The following PPP4R2 variants were observed in gnomAD, a reference collection of about 807,000 sequenced individuals.
The protein encoded by PPP4R2 is protein phosphatase 4 regulatory subunit 2, also known as serine/threonine-protein phosphatase 4 regulatory subunit 2.
In PPP4R2, 13 loss-of-function variants were observed where a neutral mutation model predicts 47.2. The observed-to-expected ratio is 0.28, with a 90% CI of 0.18 to 0.44. The LOEUF (loss-of-function observed/expected upper bound fraction) is 0.44, where lower values mean the gene tolerates loss of function less well. Among genes scored for constraint, PPP4R2 ranks in the 20% least tolerant of loss-of-function variants. PPP4R2 has a pLI of 1.00. For synonymous variants in PPP4R2, 151 were observed against 163.3 expected (o/e 0.92, Z 0.57); for missense variants, 421 against 491.2 (o/e 0.86, Z 1.35).
chr3:73,002,199 A>T (rs140768828), intron 2 of PPP4R2, among the ~76,000 whole-genome samples: 17 of 152,316 alleles, frequency 1.1e-4, no homozygotes, highest in African/African-American at 4.1e-4. Context: ...TTATTGCTGA[A>T]TAATATACCA....
chr3:73,018,255 G>T (rs1385015753), intron 2 of PPP4R2, among the ~76,000 whole-genome samples: 1 of 152,084 alleles, frequency 6.6e-6, no homozygotes, highest in Non-Finnish European at 1.5e-5. Context: ...TGTAGGATGT[G>T]TGAAACCTGC....
At chr3:73,002,399 G>T (rs1024034723) in intron 2 of PPP4R2, among the ~76,000 whole-genome samples, 2 of 151,942 alleles carry the variant, frequency 1.3e-5, no homozygotes, top group Non-Finnish European at 2.9e-5. Flanking sequence ...TTACAGATAG[G>T]GTACATGCCA....
In PPP4R2 at chr3:72,996,906, C is replaced by G; in HGVS notation, c.-132C>G. On this transcript the variant is annotated 5_prime_UTR_variant, in exon 1 of 9. Coordinates refer to ENST00000356692, the MANE Select transcript of PPP4R2 (RefSeq NM_174907.4). ...ACGCTTCCCCCGGCTCCCTTCGTTT[C>G]CCCCCCCCGGTCGCCTGCGTGCCGG... 2.5e-6 allele frequency: 1 copy of G among 396,096 alleles called. No individual in the cohort carries two copies. The highest frequency in any genetic ancestry group is 4.2e-6 in the Non-Finnish European group (1 of 240,172). 24.5% of individuals were successfully genotyped at this position (396,096 alleles called of 1,614,324 possible).
intron 2 of PPP4R2, among the ~76,000 whole-genome samples, chr3:73,042,587 T>C (rs540210925): frequency 1.3e-5 from 2 of 152,074 alleles, no homozygotes; most frequent in East Asian, 3.9e-4. Flanking sequence ...ATGGTCTTGG[T>C]CTCTTGACCT....
chr3:73,031,611 G>A (rs1702164971), intron 2 of PPP4R2, among the ~76,000 whole-genome samples: 1 of 152,144 alleles, frequency 6.6e-6, no homozygotes, highest in African/African-American at 2.4e-5. Context: ...TGTGATGGGT[G>A]GAAAAGCAAC....
rs1702806819 is a variant in PPP4R2 at position 73,059,799 on chromosome 3, G to A, written c.381+669G>A. ...AAAATACAAAAACTAGCCGGGCGTG[G>A]TGGTGCACGCCTGTAATCCTAGCTA... On this transcript the variant is annotated intron_variant, in intron 4 of 8. Transcript: ENST00000356692. Among the ~76,000 whole-genome samples the A allele has an allele frequency of 1.3e-5, 2 of 152,034 alleles. 1 individual carries two copies. Among genetic ancestry groups the A allele is most frequent in the South Asian group, 4.2e-4 (2 of 4,816 alleles).
chr3:73,049,949 A>T (rs567551610), intron 3 of PPP4R2, among the ~76,000 whole-genome samples: 1 of 151,136 alleles, frequency 6.6e-6, no homozygotes, highest in African/African-American at 2.4e-5. Context: ...GTTTTGTTTT[A>T]TTTTATTTAT....
In PPP4R2 at chr3:73,064,103, A is replaced by G. The variant is rs1483290378; in HGVS notation, c.595A>G (p.Ser199Gly). 1.9e-6 allele frequency: 3 copies of G among 1,612,860 alleles called. No homozygotes were observed. Among genetic ancestry groups the G allele is most frequent in the Non-Finnish European group, 2.5e-6 (3 of 1,179,652 alleles). ...AAATGGGTTGCCTGAGAGCACAGAC[A>G]GCAAAGAGGCAAATTTGCAGCAAAA... ...TTNGLPESTD[S>G]KEANLQQNEE... The change falls in exon 7 of 9, where the codon AGC (serine) becomes GGC (glycine). Residue 199 changes from serine to glycine, a missense_variant. This residue lies in a region of PPP4R2 where 317 missense variants were observed against 287.5 expected (regional missense o/e 1.10). Transcript: ENST00000356692.
chr3:73,041,255 A>G lies in PPP4R2; in HGVS notation c.117-5931A>G, dbSNP rs1702373449. On this transcript the variant is annotated intron_variant, in intron 2 of 8. Coordinates refer to ENST00000356692, the MANE Select transcript of PPP4R2 (RefSeq NM_174907.4). ...GTTCAGTTAGTCGACAAGATGTAAT[A>G]TGATGTGGAATGATAATGTAAAAGA... 3.3e-5 allele frequency among the ~76,000 whole-genome samples: 5 copies of G among 152,316 alleles called. No individual in the cohort carries two copies. In the South Asian group the frequency reaches 1.0e-3, roughly 32 times the overall value.
chr3:73,037,531 G>A (rs1057206492), intron 2 of PPP4R2, among the ~76,000 whole-genome samples: 1 of 152,154 alleles, frequency 6.6e-6, no homozygotes, highest in African/African-American at 2.4e-5. Flanking sequence ...TTGGAGTGAG[G>A]ATTGCTGCTA....
At chr3:73,039,514 A>G (rs1025205881) in intron 2 of PPP4R2, among the ~76,000 whole-genome samples, 11 of 152,234 alleles carry the variant, frequency 7.2e-5, no homozygotes, top group African/African-American at 1.7e-4. Flanking sequence ...TACCTTTTCC[A>G]TAACACAAAA....
At chr3:73,015,888 TTGGCCTCC>T (rs1701821332) in intron 2 of PPP4R2, 1 of 355,834 alleles carries the variant, frequency 2.8e-6, no homozygotes, top group African/African-American at 2.2e-5. Context: ...TCTACCTGCT[TTGGCCTCC>T]CAAAGTGCTG....
chr3:73,021,848 ATGTGTG>A (rs34010770), intron 2 of PPP4R2, among the ~76,000 whole-genome samples: 240 of 131,000 alleles, frequency 1.8e-3, no homozygotes, highest in South Asian at 3.6e-3. Flanking sequence ...ACATTTCTAT[ATGTGTG>A]TGTGTGTGTG....
At chr3:73,060,298 C>T (rs975724870) in intron 4 of PPP4R2, among the ~76,000 whole-genome samples, 1 of 152,188 alleles carries the variant, frequency 6.6e-6, no homozygotes, top group East Asian at 1.9e-4. Context: ...TCAGTACTTA[C>T]TTTTCAGCTC....
Position 73,064,835 on chromosome 3 carries a change from TAA to T in PPP4R2, c.639-11_639-10del. The T allele has an allele frequency of 6.4e-7, 1 of 1,560,786 alleles. No individual in the cohort carries two copies. The highest frequency in any genetic ancestry group is 2.1e-5 in the Admixed American group (1 of 48,376). On this transcript the variant is annotated splice_polypyrimidine_tract_variant and intron_variant, in intron 7 of 8. Coordinates refer to ENST00000356692, the MANE Select transcript of PPP4R2 (RefSeq NM_174907.4). ...GAAAATAATCTTATTAATGACACTT[TAA>T]AAAAACATTTACAGTGACTCTTCGA...
In PPP4R2 at chr3:73,053,318, G is replaced by A. The variant is rs180749154; in HGVS notation, c.288-5719G>A. On this transcript the variant is annotated intron_variant, in intron 3 of 8. Transcript: ENST00000356692. The stretch of plus-strand genomic sequence containing the variant: ...TCTTAGAATAATTACTTGAGAATTA[G>A]CATGACTTTGTAACCATCCCTCCTT... Among the ~76,000 whole-genome samples the A allele has an allele frequency of 5.7e-5, 8 of 140,062 alleles. No homozygotes were observed. The East Asian group carries it at 1.6e-3, about 28-fold the overall frequency. 91.9% of individuals were successfully genotyped at this position (140,062 alleles called of 152,430 possible).
chr3:73,003,888 C>T (rs1423356722), intron 2 of PPP4R2, among the ~76,000 whole-genome samples: 2 of 152,150 alleles, frequency 1.3e-5, no homozygotes, highest in East Asian at 1.9e-4. Context: ...TCAGTTGAGA[C>T]GGGGTTTCTC....
chr3:73,047,245 A>G lies in PPP4R2; in HGVS notation c.176A>G (p.Asp59Gly), dbSNP rs1483764222. 2 of 1,604,384 alleles carry G rather than the reference A, an allele frequency of 1.2e-6. No individual in the cohort carries two copies. Among genetic ancestry groups the G allele is most frequent in the African/African-American group, 1.3e-5 (1 of 74,728 alleles). The change falls in exon 3 of 9, where the codon GAT becomes GGT. Residue 59 changes from aspartate to glycine, a missense_variant. Transcript: ENST00000356692. ...TTCAAACTGGAGAAAGTGATGGATG[A>G]TTTCAGAACTTCAGCTCCTGAGCCA... Reference protein sequence around the residue: ...FIFKLEKVMDDFRTSAPEPRG... With the variant: ...FIFKLEKVMDGFRTSAPEPRG...
At chr3:73,001,782 G>A (rs1322935084) in intron 2 of PPP4R2, among the ~76,000 whole-genome samples, 2 of 151,934 alleles carry the variant, frequency 1.3e-5, no homozygotes, top group South Asian at 2.1e-4. Flanking sequence ...GGGACTACAG[G>A]CACACACAAC....
Sources: allele counts gnomAD v4.1 joint callset (sites outside exome capture counted in the v4.1 genomes callset), GRCh38; gene constraint gnomAD v4.1.1; regional missense constraint gnomAD v4.1.1; transcripts MANE v1.5; gene names NCBI Gene and HGNC (gene_info 2026-07-23, HGNC 2026-07-21).